The following SLC8A1 variants were observed in gnomAD, a reference collection of about 807,000 sequenced individuals.
SLC8A1 encodes solute carrier family 8 member A1, also known as sodium/calcium exchanger 1.
In SLC8A1, 18 loss-of-function variants were observed where a neutral mutation model predicts 68.3. The ratio of observed to expected loss-of-function variants is 0.26; its 90% CI spans 0.18 to 0.39. SLC8A1 has a LOEUF of 0.39. Among genes scored for constraint, SLC8A1 ranks in the 10% least tolerant of loss-of-function variants. The probability of loss-of-function intolerance (pLI) is 1.00; values close to 1 mark genes in which losing one functional copy is unlikely to be tolerated. For missense variants in SLC8A1, 985 were observed against 1,156.7 expected (o/e 0.85, Z 2.15); for synonymous variants, 475 against 415.5 (o/e 1.14, Z -1.74).
chr2:40,214,723 C>A (rs1181170709), intron 2 of SLC8A1, among the ~76,000 whole-genome samples: 1 of 152,136 alleles, frequency 6.6e-6, no homozygotes, highest in African/African-American at 2.4e-5. Context: ...CAGGCGTGAG[C>A]CACTGCATCC....
intron 2 of SLC8A1, among the ~76,000 whole-genome samples, chr2:40,422,261 T>C (rs1432538849): frequency 2.6e-5 from 4 of 152,168 alleles, no homozygotes; most frequent in Admixed American, 6.5e-5. Flanking sequence ...ATCGATGTTC[T>C]ACCCCAAACA....
intron 2 of SLC8A1, among the ~76,000 whole-genome samples, chr2:40,226,327 T>C (rs748680975): frequency 1.7e-4 from 26 of 152,200 alleles, no homozygotes; most frequent in Non-Finnish European, 1.8e-4. Context: ...TTGGATGCAT[T>C]GCATGGCATG....
chr2:40,430,675 T>A (rs1196200304), intron 1 of SLC8A1, among the ~76,000 whole-genome samples: 1 of 152,190 alleles, frequency 6.6e-6, no homozygotes, highest in Admixed American at 6.6e-5. Context: ...ATCACAGGAC[T>A]TTTGAAGCAT....
intron 2 of SLC8A1, among the ~76,000 whole-genome samples, chr2:40,227,682 C>T (rs974987199): frequency 6.6e-6 from 1 of 152,002 alleles, no homozygotes; most frequent in Non-Finnish European, 1.5e-5. Context: ...AACAAACCTG[C>T]ATTTGTACCC....
chr2:40,305,269 T>C lies in SLC8A1; in HGVS notation c.1808+123204A>G, dbSNP rs114546886. 5.7e-3 allele frequency among the ~76,000 whole-genome samples: 864 copies of C among 152,328 alleles called. 11 individuals are homozygous for C. The highest frequency in any genetic ancestry group is 0.019 in the African/African-American group (799 of 41,588). Reference sequence around the variant, plus strand: ...CACAGTCCCTGCTCCCCAGGGTTCATAGCCTGGAGCAGTTTTCGAGTTCAG... The same window carrying C: ...CACAGTCCCTGCTCCCCAGGGTTCACAGCCTGGAGCAGTTTTCGAGTTCAG... On this transcript the variant is annotated intron_variant, in intron 2 of 7. Transcript: ENST00000406785.
chr2:40,452,009 C>G (rs2149881049), exon 1 of SLC8A1: 1 of 151,880 alleles, frequency 6.6e-6, no homozygotes, highest in African/African-American at 2.4e-5. Flanking sequence ...AGAGGTCGCT[C>G]CCATCTTCTG....
chr2:40,447,671 T>C (rs1701704061), intron 1 of SLC8A1, among the ~76,000 whole-genome samples: 1 of 152,128 alleles, frequency 6.6e-6, no homozygotes, highest in Admixed American at 6.5e-5. Flanking sequence ...TAATATTTCA[T>C]TTTATTAGGG....
chr2:40,307,773 T>C (rs2072935748), intron 2 of SLC8A1, among the ~76,000 whole-genome samples: 1 of 152,248 alleles, frequency 6.6e-6, no homozygotes, highest in African/African-American at 2.4e-5. Context: ...ATCTAGTTTG[T>C]GCCTTTCAAT....
chr2:40,445,936 G>A (rs1166652483), intron 1 of SLC8A1, among the ~76,000 whole-genome samples: 1 of 152,174 alleles, frequency 6.6e-6, no homozygotes, highest in East Asian at 1.9e-4. Context: ...GTTAAAGCTT[G>A]GATGTAGAGT....
At chr2:40,443,870 G>A (rs775917073) in intron 1 of SLC8A1, among the ~76,000 whole-genome samples, 4 of 152,158 alleles carry the variant, frequency 2.6e-5, no homozygotes, top group Non-Finnish European at 5.9e-5. Flanking sequence ...GTCCATCTGT[G>A]CAGGTTTACT....
chr2:40,414,411 T>C (rs938438209), intron 2 of SLC8A1, among the ~76,000 whole-genome samples: 1 of 152,176 alleles, frequency 6.6e-6, no homozygotes, highest in Non-Finnish European at 1.5e-5. Context: ...TTGGGACCAG[T>C]ACACAGTGTT....
intron 7 of SLC8A1, among the ~76,000 whole-genome samples, chr2:40,133,428 C>G (rs554696629): frequency 6.6e-6 from 1 of 151,452 alleles, no homozygotes; most frequent in South Asian, 2.1e-4. Flanking sequence ...CCATCTATTT[C>G]CTTCTCCTTC....
At chr2:40,364,766 C>T (rs187041446) in intron 2 of SLC8A1, among the ~76,000 whole-genome samples, 18 of 152,044 alleles carry the variant, frequency 1.2e-4, no homozygotes, top group Non-Finnish European at 2.4e-4. Context: ...AAAGCCCTTA[C>T]TTGTCAGCCC....
At chr2:40,187,094 G>C (rs760988422) in intron 2 of SLC8A1, among the ~76,000 whole-genome samples, 1 of 152,150 alleles carries the variant, frequency 6.6e-6, no homozygotes, top group Non-Finnish European at 1.5e-5. Context: ...ATTCAATGGA[G>C]TAATAAGCAA....
chr2:40,426,143 T>G (rs149427122), intron 2 of SLC8A1, among the ~76,000 whole-genome samples: 3 of 152,048 alleles, frequency 2.0e-5, no homozygotes, highest in African/African-American at 7.2e-5. Flanking sequence ...TCTTCAAAAT[T>G]AAAAATCTAG....
intron 2 of SLC8A1, among the ~76,000 whole-genome samples, chr2:40,205,328 G>A (rs910383358): frequency 5.3e-5 from 8 of 151,930 alleles, no homozygotes; most frequent in Non-Finnish European, 1.0e-4. Context: ...CTAGCCTATT[G>A]ACCCATTTTG....
chr2:40,451,737 T>TCACACACA (rs756970142), intron 1 of SLC8A1, among the ~76,000 whole-genome samples, 167 bp downstream of exon 1: 5,837 of 133,616 alleles, frequency 0.044, 185 homozygotes, highest in Middle Eastern at 0.084. Flanking sequence ...ACACACCACA[T>TCACACACA]CACACACACA....
chr2:40,466,046 T>A (rs1703651032), intron 1 of SLC8A1, among the ~76,000 whole-genome samples: 1 of 152,172 alleles, frequency 6.6e-6, no homozygotes, highest in South Asian at 2.1e-4. Context: ...GATTGTGGAC[T>A]TTCCATCCTC....
chr2:40,298,764 T>C (rs968440073), intron 2 of SLC8A1, among the ~76,000 whole-genome samples: 13 of 152,186 alleles, frequency 8.5e-5, no homozygotes, highest in Non-Finnish European at 1.5e-4. Flanking sequence ...TAAAAGCTTA[T>C]AGGATTTTAA....
Sources: gnomAD v4.1 joint callset for allele counts (sites outside exome capture counted in the v4.1 genomes callset) on GRCh38, gnomAD v4.1.1 for gene constraint, MANE v1.5 for transcripts, NCBI Gene and HGNC (gene_info 2026-07-23, HGNC 2026-07-21) for gene names.